AKT3: variants seen among roughly 807,000 people sequenced by gnomAD.
AKT3 encodes the protein AKT serine/threonine kinase 3.
In AKT3, 15 loss-of-function variants were observed where a neutral mutation model predicts 65.3. The ratio of observed to expected loss-of-function variants is 0.23; its 90% confidence interval spans 0.15 to 0.35. The LOEUF (loss-of-function observed/expected upper bound fraction) is 0.35, where lower values mean the gene tolerates loss of function less well. Among genes scored for constraint, AKT3 ranks in the 10% least tolerant of loss-of-function variants. AKT3 has a pLI of 1.00. For missense variants in AKT3, 243 were observed against 576.5 expected, an observed-to-expected ratio of 0.42 and a Z score of 5.92; for synonymous variants, 206 against 183.8, an observed-to-expected ratio of 1.12 and a Z score of -0.98.
At chr1:243,519,535 T>C (rs998398386) in intron 12 of AKT3, among the ~76,000 whole-genome samples, 2 of 152,208 alleles carry the variant, frequency 1.3e-5, no homozygotes, top group Non-Finnish European at 2.9e-5. Flanking sequence ...ATTTTGCTTA[T>C]TGACTTTCTG....
intron 2 of AKT3, among the ~76,000 whole-genome samples, chr1:243,744,583 CA>C (rs1328678614): frequency 6.6e-6 from 1 of 151,298 alleles, no homozygotes. Context: ...ACTAAAAATA[CA>C]AAAAATTAGC....
chr1:243,526,358 T>C (rs1180773101), intron 12 of AKT3, among the ~76,000 whole-genome samples: 1 of 152,046 alleles, frequency 6.6e-6, no homozygotes, highest in Non-Finnish European at 1.5e-5. Flanking sequence ...AGCCCAGAAG[T>C]AGGCTCAAGG....
chr1:243,826,168 T>C (rs1164669919), intron 2 of AKT3, among the ~76,000 whole-genome samples: 2 of 152,000 alleles, frequency 1.3e-5, no homozygotes, highest in Non-Finnish European at 2.9e-5. Context: ...ATAAACCTAG[T>C]ACTCCTAGGA....
At position 243,500,121 on chromosome 1, in the gene AKT3, G is replaced by A; in HGVS notation, c.*5128C>T. ...AGTTGTAATGTTTCCTTTTTATCTT[G>A]TAGTGATGAACAAAACACACCAAAA... is the stretch of plus-strand genomic sequence containing the variant. On this transcript the variant is annotated 3_prime_UTR_variant, in exon 14 of 14. Coordinates refer to ENST00000673466, the MANE Select transcript of AKT3 (RefSeq NM_005465.7). 2.8e-6 allele frequency: 1 copy of A among 351,880 alleles called. No individual in the cohort carries two copies. 21.8% of individuals were successfully genotyped at this position (351,880 alleles called of 1,614,324 possible).
intron 2 of AKT3, 71 bp from the exon 3 acceptor site, chr1:243,695,787 T>C (rs149648747): frequency 6.1e-5 from 86 of 1,414,754 alleles, no homozygotes; most frequent in Non-Finnish European, 8.0e-5. Context: ...AAATAAATTA[T>C]GGTACAATAT....
intron 2 of AKT3, among the ~76,000 whole-genome samples, chr1:243,700,869 C>A (rs549858006): frequency 6.6e-6 from 1 of 152,220 alleles, no homozygotes; most frequent in South Asian, 2.1e-4. Flanking sequence ...TCACTTTCCA[C>A]CTAAAAGATC....
At chr1:243,691,083 A>C (rs535423632) in intron 3 of AKT3, among the ~76,000 whole-genome samples, 38 of 152,206 alleles carry the variant, frequency 2.5e-4, no homozygotes, top group Non-Finnish European at 5.0e-4. Flanking sequence ...AGAGAGGACT[A>C]ATTTAGCAAG....
At chr1:243,654,523 T>G (rs2147878364) in intron 4 of AKT3, among the ~76,000 whole-genome samples, 1 of 152,268 alleles carries the variant, frequency 6.6e-6, no homozygotes, top group East Asian at 1.9e-4. Flanking sequence ...CTCACTATGT[T>G]GCCCAGGCTG....
At position 243,850,030 on chromosome 1, in the gene AKT3, T is replaced by TGGCTGTTACCTGCAACGGCGGC; in HGVS notation, c.-125_-113+9dup. 3 of 977,830 alleles carry TGGCTGTTACCTGCAACGGCGGC rather than the reference T, an allele frequency of 3.1e-6. No individual in the cohort carries two copies. The highest frequency in any genetic ancestry group is 3.6e-6 in the Non-Finnish European group (3 of 827,538). The allele number at this position is 977,830 out of a possible 1,614,324, so 60.6% of individuals were successfully genotyped here. A position where few individuals can be genotyped will look rare whatever the true frequency, so the allele number is the denominator to read the frequency against. On this transcript the variant is annotated intron_variant, in intron 1 of 13. Coordinates refer to ENST00000673466, the MANE Select transcript of AKT3 (RefSeq NM_005465.7). ...GGGAGGGGGCTAGAGTTGGGGGCGG[T>TGGCTGTTACCTGCAACGGCGGC]GGCTGTTACCTGCAACGGCGGCGGC...
intron 2 of AKT3, among the ~76,000 whole-genome samples, chr1:243,813,133 A>C (rs1047826929): frequency 2.6e-5 from 4 of 152,220 alleles, no homozygotes; most frequent in Middle Eastern, 3.4e-3. Context: ...CATATGTAAC[A>C]AACCTGCACG....
chr1:243,665,568 T>C (rs1682710493), intron 3 of AKT3, among the ~76,000 whole-genome samples: 1 of 151,446 alleles, frequency 6.6e-6, no homozygotes, highest in South Asian at 2.1e-4. Flanking sequence ...ATGGATTCTC[T>C]GACACTGGTG....
At chr1:243,609,137 CA>C (rs1172788683) in intron 8 of AKT3, among the ~76,000 whole-genome samples, 12 of 151,536 alleles carry the variant, frequency 7.9e-5, no homozygotes, top group Admixed American at 1.3e-4. Flanking sequence ...CAAGTTGCCA[CA>C]AGGATAAACA....
chr1:243,533,552 A>G (rs1671691114), intron 12 of AKT3, among the ~76,000 whole-genome samples: 1 of 152,238 alleles, frequency 6.6e-6, no homozygotes, highest in Admixed American at 6.5e-5. Flanking sequence ...GGCAGTTAAA[A>G]AAAGTTAAAA....
At chr1:243,681,072 GAA>G (rs1683880078) in intron 3 of AKT3, among the ~76,000 whole-genome samples, 1 of 152,070 alleles carries the variant, frequency 6.6e-6, no homozygotes, top group Admixed American at 6.6e-5. Flanking sequence ...CACTGGTCTG[GAA>G]ACTTGAAAGC....
At position 243,583,518 on chromosome 1, in the gene AKT3, T is replaced by C. The variant is rs528037082; in HGVS notation, c.697-10470A>G. Among the ~76,000 whole-genome samples, 71 of 131,944 alleles carry C rather than the reference T, an allele frequency of 5.4e-4. 1 individual carries two copies. The highest frequency in any genetic ancestry group is 1.9e-3 in the African/African-American group (65 of 33,926). 86.6% of individuals were successfully genotyped at this position (131,944 alleles called of 152,430 possible). A position where few individuals can be genotyped will look rare whatever the true frequency, so the allele number is the denominator to read the frequency against. On this transcript the variant is annotated intron_variant, in intron 8 of 13. Coordinates refer to ENST00000673466, the MANE Select transcript of AKT3 (RefSeq NM_005465.7). The stretch of plus-strand genomic sequence containing the variant: ...GAACAATACTCCAAGACTGACCACA[T>C]GCTCGTCCTTAAAGTAAGTCTCAAA...
intron 3 of AKT3, among the ~76,000 whole-genome samples, chr1:243,674,858 T>C (rs1683393333): frequency 6.6e-6 from 1 of 152,214 alleles, no homozygotes; most frequent in Non-Finnish European, 1.5e-5. Context: ...ATGAAGTAGA[T>C]GTGCAGGTTT....
Position 243,500,750 on chromosome 1 carries a change from A to AGTGAT in AKT3, c.*4494_*4498dup, listed in dbSNP as rs1486510506. On this transcript the variant is annotated 3_prime_UTR_variant, in exon 14 of 14. Coordinates refer to ENST00000673466, the MANE Select transcript of AKT3 (RefSeq NM_005465.7). ...CATATGCTCAGCCTTGCCTCTCAGA[A>AGTGAT]GTGATGTGGATTAGGCTTTGGAGGC... 8.8e-6 allele frequency: 2 copies of AGTGAT among 228,474 alleles called. No homozygotes were observed. Among genetic ancestry groups the AGTGAT allele is most frequent in the East Asian group, 6.3e-5 (1 of 15,974 alleles). 14.2% of individuals were successfully genotyped at this position (228,474 alleles called of 1,614,324 possible).
chr1:243,849,395 C>A lies in AKT3; in HGVS notation c.-113+645G>T, dbSNP rs888411085. Among the ~76,000 whole-genome samples, 5 of 143,240 alleles carry A rather than the reference C, an allele frequency of 3.5e-5. No homozygotes were observed. In the East Asian group the frequency reaches 8.4e-4, roughly 24 times the overall value. 94.0% of individuals were successfully genotyped at this position (143,240 alleles called of 152,430 possible). On this transcript the variant is annotated intron_variant, in intron 1 of 13. Coordinates refer to ENST00000673466, the MANE Select transcript of AKT3 (RefSeq NM_005465.7). ...CACCTCCCACACACACACCCCCCCC[C>A]CCACCCCACCAGTGCCGTCTTTTCC... is the stretch of plus-strand genomic sequence containing the variant.
chr1:243,566,682 G>A (rs926886492), intron 9 of AKT3, among the ~76,000 whole-genome samples: 5 of 152,096 alleles, frequency 3.3e-5, no homozygotes, highest in African/African-American at 7.2e-5. Flanking sequence ...TAATTTCTAC[G>A]TGCTTCAATT....
Sources: gnomAD v4.1 joint callset for allele counts (sites outside exome capture counted in the v4.1 genomes callset) on GRCh38, gnomAD v4.1.1 for gene constraint, MANE v1.5 for transcripts, NCBI Gene and HGNC (gene_info 2026-07-23, HGNC 2026-07-21) for gene names.